TTC7A: variants seen among roughly 807,000 people sequenced by gnomAD.
TTC7A encodes tetratricopeptide repeat protein 7A.
Under a neutral mutation model 103.7 loss-of-function variants are expected in TTC7A, and 110 were observed. That is an observed-to-expected ratio of 1.06 (90% CI 0.91 to 1.24). The LOEUF (loss-of-function observed/expected upper bound fraction) is 1.24. Among genes scored for constraint, TTC7A ranks in the 50% most tolerant of loss-of-function variants. The pLI, the probability that TTC7A is intolerant of heterozygous loss-of-function variation, is 0.00. For synonymous variants in TTC7A, 521 were observed against 467.9 expected, an observed-to-expected ratio of 1.11 and a Z score of -1.47; for missense variants, 1,340 against 1,116.3, an observed-to-expected ratio of 1.20 and a Z score of -2.86.
chr2:46,973,083 C>G (rs1275827194), intron 3 of TTC7A, among the ~76,000 whole-genome samples: 2 of 129,608 alleles, frequency 1.5e-5, no homozygotes, highest in Non-Finnish European at 3.5e-5. Flanking sequence ...GTATGCTTTT[C>G]AATTAACCAA....
intron 12 of TTC7A, among the ~76,000 whole-genome samples, chr2:47,022,984 C>T (rs1245775717): frequency 6.6e-6 from 1 of 152,208 alleles, no homozygotes; most frequent in Admixed American, 6.5e-5. Flanking sequence ...GCTAAGAACA[C>T]CTGCCCTGCT....
intron 15 of TTC7A, among the ~76,000 whole-genome samples, chr2:47,042,923 A>G (rs149044133): frequency 3.6e-3 from 552 of 152,274 alleles, no homozygotes; most frequent in Non-Finnish European, 5.3e-3. Flanking sequence ...TGCCTACTCT[A>G]TCCCCAGCCC....
intron 8 of TTC7A, among the ~76,000 whole-genome samples, chr2:46,996,499 A>G (rs1419478458): frequency 6.6e-6 from 1 of 152,160 alleles, no homozygotes; most frequent in Non-Finnish European, 1.5e-5. Flanking sequence ...TGGTAATCAG[A>G]TTGCCTCTGG....
At chr2:47,046,203 C>G (rs2104701043) in intron 15 of TTC7A, 112 bp from the exon 16 acceptor site, 2 of 794,330 alleles carry the variant, frequency 2.5e-6, no homozygotes, top group South Asian at 1.5e-5. Context: ...TGGCACTCTG[C>G]TTTCTGCGAG....
In TTC7A at chr2:46,941,712, C is replaced by T. The variant is rs1177060469; in HGVS notation, c.171C>T (p.Thr57=). 9 of 1,550,340 alleles carry T rather than the reference C, an allele frequency of 5.8e-6. No homozygotes were observed. In the East Asian group the frequency reaches 9.7e-5, roughly 17 times the overall value. ...NRRGSPSAAF[T]FPDTDDFGKL... is the part of the protein sequence containing the mutation. The stretch of plus-strand genomic sequence containing the variant: ...GAGGCAGCCCGAGCGCAGCGTTCAC[C>T]TTTCCGGACACCGGTGAGTAAGGGA... Residue 57 remains threonine, a synonymous_variant, in exon 1 of 20, where the codon ACC becomes ACT. Transcript: ENST00000319190. This position sits in a 1 kb window ranked among gnomAD's most constrained non-coding sequence, Gnocchi z 4.2.
At chr2:47,070,984 G>C (rs1173599667) in intron 19 of TTC7A, 1 of 152,234 alleles carries the variant, frequency 6.6e-6, no homozygotes. Context: ...GATGAGGGAT[G>C]GGGGATTCAC....
At chr2:47,059,885 G>A (rs995548243) in intron 18 of TTC7A, among the ~76,000 whole-genome samples, 4 of 152,094 alleles carry the variant, frequency 2.6e-5, no homozygotes, top group African/African-American at 4.8e-5. Context: ...TGCAAGGTGC[G>A]GTGGCTCATG....
intron 5 of TTC7A, among the ~76,000 whole-genome samples, chr2:46,986,451 G>C (rs188950284): frequency 7.2e-5 from 11 of 152,016 alleles, no homozygotes; most frequent in African/African-American, 2.7e-4. Flanking sequence ...CCCTCCCCTC[G>C]TGGAGTGACC....
intron 5 of TTC7A, among the ~76,000 whole-genome samples, chr2:46,979,210 G>A (rs1408019259): frequency 6.6e-6 from 1 of 152,184 alleles, no homozygotes; most frequent in African/African-American, 2.4e-5. Flanking sequence ...CATCTGGGAG[G>A]TGATGTTGAA....
chr2:47,026,031 C>T (rs1679876641), intron 14 of TTC7A, among the ~76,000 whole-genome samples: 1 of 152,244 alleles, frequency 6.6e-6, no homozygotes, highest in South Asian at 2.1e-4. Context: ...TAGCATCCAT[C>T]CTCCTAGAGA....
chr2:47,061,065 CTGCCTG>C, intron 19 of TTC7A, 94 bp downstream of exon 19: 2 of 1,294,324 alleles, frequency 1.5e-6, no homozygotes, highest in Non-Finnish European at 2.1e-6. Flanking sequence ...ACTCCACTGC[CTGCCTG>C]TGCCTTGCTA....
rs559784543 is a variant in TTC7A at position 46,948,618 on chromosome 2, G to T, written c.185-1745G>T. Reference sequence around the variant, plus strand: ...TTACGGTGAGAGATTCTTCTTCAGAGGCATGAAGTTTTTTGTGTTTTTCTA... The same window carrying T: ...TTACGGTGAGAGATTCTTCTTCAGATGCATGAAGTTTTTTGTGTTTTTCTA... On this transcript the variant is annotated intron_variant, in intron 1 of 19. Coordinates refer to ENST00000319190, the MANE Select transcript of TTC7A (RefSeq NM_020458.4). 7.8e-4 allele frequency among the ~76,000 whole-genome samples: 119 copies of T among 152,226 alleles called. 2 individuals are homozygous for T. Among genetic ancestry groups the T allele is most frequent in the African/African-American group, 2.8e-3 (115 of 41,548 alleles).
rs12712986 is a variant in TTC7A, at chr2:47,046,529, G to A, written c.1919+98G>A. The A allele has an allele frequency of 0.25, 223,527 of 898,120 alleles. 28,552 individuals are homozygous for A. The highest frequency in any genetic ancestry group is 0.28 in the African/African-American group (17,001 of 60,728). The allele number at this position is 898,120 out of a possible 1,614,324, so 55.6% of individuals were successfully genotyped here. On this transcript the variant is annotated intron_variant, in intron 16 of 19. Coordinates refer to ENST00000319190, the MANE Select transcript of TTC7A (RefSeq NM_020458.4). Reference sequence around the variant, plus strand: ...ACCATGCCTGCCAAGATGGGGAGGAGAGTGAGGCTTTTGAATGAGAGCGTG... The same window carrying A: ...ACCATGCCTGCCAAGATGGGGAGGAAAGTGAGGCTTTTGAATGAGAGCGTG...
At chr2:46,930,565 T>C (rs1393204847) in intron 2 of TTC7A, among the ~76,000 whole-genome samples, 1 of 151,142 alleles carries the variant, frequency 6.6e-6, no homozygotes, top group African/African-American at 2.4e-5. Flanking sequence ...AGTGGCGCGA[T>C]CTTGGCTCAC....
At chr2:46,981,664 T>C (rs1412049855) in intron 5 of TTC7A, among the ~76,000 whole-genome samples, 3 of 152,236 alleles carry the variant, frequency 2.0e-5, no homozygotes, top group Non-Finnish European at 4.4e-5. Context: ...AGCTGCTGAC[T>C]GTTCGATGTG....
upstream of TTC7A, among the ~76,000 whole-genome samples, chr2:46,939,624 A>T (rs943240015): frequency 5.9e-5 from 9 of 152,128 alleles, no homozygotes; most frequent in South Asian, 2.1e-4. Context: ...GCAGGAAAGG[A>T]GGTCTTATTT....
chr2:47,023,482 C>G lies in TTC7A; in HGVS notation c.1568+17C>G. The G allele has an allele frequency of 1.2e-6, 2 of 1,613,904 alleles. No homozygotes were observed. Among genetic ancestry groups the G allele is most frequent in the South Asian group, 1.1e-5 (1 of 91,072 alleles). ...GCTGGAGAGGTGAGGAGGCTCCCAC[C>G]TGCAGCAGAGGCCCCTCTTGCCTTT... On this transcript the variant is annotated intron_variant, in intron 13 of 19. Transcript: ENST00000319190.
At chr2:47,049,080 C>T (rs1403389264) in intron 16 of TTC7A, among the ~76,000 whole-genome samples, 1 of 152,262 alleles carries the variant, frequency 6.6e-6, no homozygotes, top group Admixed American at 6.5e-5. Context: ...CAAGGACACC[C>T]CTGGTATTCA....
intron 19 of TTC7A, among the ~76,000 whole-genome samples, chr2:47,069,993 C>T (rs1330036858): frequency 6.7e-6 from 1 of 150,008 alleles, no homozygotes; most frequent in East Asian, 2.0e-4. Context: ...TACTTGAGGG[C>T]AGGGGTGGGG....
Sources: allele counts gnomAD v4.1 joint callset (sites outside exome capture counted in the v4.1 genomes callset), GRCh38; gene constraint gnomAD v4.1.1; non-coding constraint Gnocchi (gnomAD v3.1); transcripts MANE v1.5; gene names NCBI Gene and HGNC (gene_info 2026-07-23, HGNC 2026-07-21).